Variants in FGGY observed in about 807,000 individuals in gnomAD.
The protein encoded by FGGY is FGGY carbohydrate kinase domain-containing protein.
Under a neutral mutation model 71.3 loss-of-function variants are expected in FGGY, and 72 were observed. That is an observed-to-expected ratio of 1.01 (90% CI 0.84 to 1.23). The LOEUF is 1.23. Ranked by LOEUF, FGGY falls within the 50% of genes most tolerant of loss-of-function variation. The pLI is 0.00. For synonymous variants in FGGY, 251 were observed against 250.3 expected, an observed-to-expected ratio of 1.00 and a Z score of -0.02; for missense variants, 668 against 682.3, an observed-to-expected ratio of 0.98 and a Z score of 0.23.
At chr1:59,349,081 T>C (rs2052722680) in intron 4 of FGGY, among the ~76,000 whole-genome samples, 2 of 152,164 alleles carry the variant, frequency 1.3e-5, no homozygotes, top group Non-Finnish European at 2.9e-5. Context: ...TAGTTGATTT[T>C]AATCCTAATG....
At chr1:59,476,423 A>G (rs148527126) in intron 6 of FGGY, among the ~76,000 whole-genome samples, 6 of 152,356 alleles carry the variant, frequency 3.9e-5, no homozygotes, top group Non-Finnish European at 8.8e-5. Flanking sequence ...ACAGTAAGTA[A>G]TGGAATCAGA....
intron 6 of FGGY, among the ~76,000 whole-genome samples, chr1:59,464,680 A>G (rs1283642144): frequency 6.6e-6 from 1 of 152,200 alleles, no homozygotes; most frequent in Admixed American, 6.5e-5. Context: ...AAAAAATAAT[A>G]TAGGAGATAT....
chr1:59,558,732 C>T (rs1230330504), intron 8 of FGGY, among the ~76,000 whole-genome samples: 1 of 152,008 alleles, frequency 6.6e-6, no homozygotes, highest in African/African-American at 2.4e-5. Flanking sequence ...TGGGTTTTTT[C>T]CCCACCCTAA....
chr1:59,716,528 CT>C (rs2097847212), intron 14 of FGGY, among the ~76,000 whole-genome samples: 1 of 152,138 alleles, frequency 6.6e-6, no homozygotes, highest in South Asian at 2.1e-4. Flanking sequence ...TTGCTAGGAA[CT>C]TTTGGAACAT....
intron 5 of FGGY, among the ~76,000 whole-genome samples, chr1:59,436,172 A>G (rs1366396694): frequency 6.6e-6 from 1 of 152,048 alleles, no homozygotes. Context: ...AATTGTCTGC[A>G]CATCCTCCCT....
At chr1:59,370,102 G>T (rs1040300542) in intron 4 of FGGY, among the ~76,000 whole-genome samples, 4 of 152,174 alleles carry the variant, frequency 2.6e-5, no homozygotes, top group African/African-American at 9.7e-5. Context: ...GGCTTCAGAA[G>T]ATGAAACTAC....
chr1:59,364,349 G>A (rs1308011657), intron 4 of FGGY, among the ~76,000 whole-genome samples: 10 of 152,208 alleles, frequency 6.6e-5, no homozygotes. Flanking sequence ...CTGGCAGTCT[G>A]GCTTGCCTAG....
chr1:59,695,587 A>G (rs924617788), intron 14 of FGGY, among the ~76,000 whole-genome samples: 2 of 152,204 alleles, frequency 1.3e-5, no homozygotes, highest in Admixed American at 6.5e-5. Context: ...TCTTGACGGC[A>G]ATGAGCAGTA....
chr1:59,383,920 G>T (rs1367754134), intron 5 of FGGY, among the ~76,000 whole-genome samples: 1 of 152,138 alleles, frequency 6.6e-6, no homozygotes, highest in Admixed American at 6.5e-5. Flanking sequence ...TTGAGCACTT[G>T]CCATCAGGAC....
rs764244448 is a variant in FGGY, at chr1:59,378,836, C to T, written c.553C>T (p.Arg185Trp). 1.4e-5 allele frequency: 22 copies of T among 1,611,026 alleles called. No homozygotes were observed. In the East Asian group the frequency reaches 1.8e-4, roughly 13 times the overall value. ...GTGGAAGGCAACAGGTGTCACAGCA[C>T]GGTATGTTAATTACAAGTTGGATTG... ...LSWKATGVTA[R>W]SLCSLVCKWT... Residue 185 changes from arginine (R) to tryptophan (W), a missense_variant and splice_region_variant, in exon 5 of 16, where the codon CGG becomes TGG. Around this residue, in one of 2 missense-constraint regions of FGGY, gnomAD observed 661 missense variants for 661.6 expected, o/e 1.00. Coordinates refer to ENST00000303721, the MANE Select transcript of FGGY (RefSeq NM_018291.5).
chr1:59,497,835 G>A (rs1192918032), intron 6 of FGGY, among the ~76,000 whole-genome samples: 2 of 152,152 alleles, frequency 1.3e-5, no homozygotes, highest in South Asian at 2.1e-4. Flanking sequence ...CTCTGTCGGC[G>A]CTGCTATTTC....
chr1:59,757,226 A>C (rs2098299505), intron 14 of FGGY, among the ~76,000 whole-genome samples: 1 of 152,158 alleles, frequency 6.6e-6, no homozygotes, highest in African/African-American at 2.4e-5. Context: ...TGCTTAAAAA[A>C]ACCTAACCCT....
At chr1:59,583,041 C>A (rs757435631) in intron 8 of FGGY, among the ~76,000 whole-genome samples, 2 of 117,286 alleles carry the variant, frequency 1.7e-5, no homozygotes, top group Non-Finnish European at 3.6e-5. Flanking sequence ...TCACCAGGAA[C>A]ATCAGTAGGA....
chr1:59,726,749 C>T (rs2097952605), intron 14 of FGGY, among the ~76,000 whole-genome samples: 1 of 151,786 alleles, frequency 6.6e-6, no homozygotes, highest in African/African-American at 2.4e-5. Context: ...TCTTGATTAC[C>T]CTGGCTAAAG....
At chr1:59,648,755 T>A (rs370629289) in intron 11 of FGGY, among the ~76,000 whole-genome samples, 2 of 151,000 alleles carry the variant, frequency 1.3e-5, no homozygotes, top group Non-Finnish European at 2.9e-5. Context: ...TTAGTTTAAT[T>A]AGATCCCATT....
chr1:59,314,710 G>A (rs2045080805), intron 1 of FGGY, among the ~76,000 whole-genome samples: 1 of 152,170 alleles, frequency 6.6e-6, no homozygotes, highest in South Asian at 2.1e-4. Context: ...CCCAAATGCA[G>A]TGACTATTTG....
intron 10 of FGGY, among the ~76,000 whole-genome samples, chr1:59,631,553 T>G (rs1019867794): frequency 2.0e-5 from 3 of 152,210 alleles, no homozygotes; most frequent in African/African-American, 7.2e-5. Flanking sequence ...GTTAGCTGTT[T>G]GGAAGAGTGG....
chr1:59,383,232 T>G (rs1210984240), intron 5 of FGGY, among the ~76,000 whole-genome samples: 1 of 152,180 alleles, frequency 6.6e-6, no homozygotes, highest in Non-Finnish European at 1.5e-5. Context: ...GTTTTCAGCC[T>G]AATGAATCAG....
intron 7 of FGGY, among the ~76,000 whole-genome samples, chr1:59,517,917 T>C (rs2094710586): frequency 6.6e-6 from 1 of 152,252 alleles, no homozygotes; most frequent in African/African-American, 2.4e-5. Flanking sequence ...GGCTTATTTC[T>C]GCAGGAGCAA....
Sources: allele counts gnomAD v4.1 joint callset (sites outside exome capture counted in the v4.1 genomes callset), GRCh38; gene constraint gnomAD v4.1.1; regional missense constraint gnomAD v4.1.1; transcripts MANE v1.5; gene names NCBI Gene and HGNC (gene_info 2026-07-23, HGNC 2026-07-21).